Variants in RGS12 observed in about 807,000 individuals in gnomAD.
RGS12 encodes regulator of G protein signaling 12, also known as regulator of G-protein signaling 12.
A neutral mutation model predicts 120.1 loss-of-function variants in RGS12; 66 were observed. That is an observed-to-expected ratio of 0.55 (90% CI 0.45 to 0.67). The LOEUF (loss-of-function observed/expected upper bound fraction) is 0.67. Among genes scored for constraint, RGS12 ranks in the 30% least tolerant of loss-of-function variants. RGS12 has a pLI of 0.00. For missense variants in RGS12, 1,859 were observed against 1,957.7 expected, an observed-to-expected ratio of 0.95 and a Z score of 0.95; for synonymous variants, 827 against 804.7, an observed-to-expected ratio of 1.03 and a Z score of -0.47.
intron 4 of RGS12, among the ~76,000 whole-genome samples, chr4:3,393,870 A>G (rs548193372): frequency 1.3e-5 from 2 of 152,176 alleles, no homozygotes; most frequent in South Asian, 4.1e-4. Context: ...AGCTTCACTG[A>G]TTTCCCAAAA....
In RGS12 at chr4:3,420,688, C is replaced by T. The variant is rs1411186193; in HGVS notation, c.2808C>T (p.Gly936=). The T allele has an allele frequency of 8.7e-6, 14 of 1,612,944 alleles. No individual in the cohort carries two copies. The highest frequency in any genetic ancestry group is 1.2e-5 in the Non-Finnish European group (14 of 1,180,038). ...GCCTGTGTCGCCGAGAGTCGCAGGG[C>T]TCTGTGTCCTCTGCGGGGAGCCTGG... ...NGGLCRRESQ[G]SVSSAGSLDL... is the part of the protein sequence containing the mutation. The change falls in exon 10 of 18, where the codon GGC becomes GGT. Residue 936 remains glycine (G), a synonymous_variant. Transcript: ENST00000336727.
intron 15 of RGS12, 118 bp from the exon 16 acceptor site, chr4:3,428,440 C>A: frequency 2.2e-6 from 2 of 929,868 alleles, no homozygotes; most frequent in Non-Finnish European, 3.3e-6. Context: ...TTCTGCAATG[C>A]ATGTAAATTC....
chr4:3,327,931 C>A (rs1009226848), intron 2 of RGS12, among the ~76,000 whole-genome samples: 2 of 152,220 alleles, frequency 1.3e-5, no homozygotes, highest in Admixed American at 6.5e-5. Context: ...CAAAAAGATA[C>A]CTGCACTCTT....
rs1388618941 is a variant in RGS12 at position 3,307,128 on chromosome 4, A to G, written c.-101-8942A>G. On this transcript the variant is annotated intron_variant, in intron 1 of 17. Transcript: ENST00000336727. Reference sequence around the variant, plus strand: ...ACACCTCTTAACTGCCTCCCCCCACAAGCTTAGGAGCTTTATGGGATGTGT... The same window carrying G: ...ACACCTCTTAACTGCCTCCCCCCACGAGCTTAGGAGCTTTATGGGATGTGT... 2.0e-5 allele frequency among the ~76,000 whole-genome samples: 3 copies of G among 152,198 alleles called. No individual in the cohort carries two copies. In the East Asian group the frequency reaches 5.8e-4, roughly 29 times the overall value.
chr4:3,386,356 G>C (rs117678714), intron 3 of RGS12, 60 bp from the exon 4 acceptor site: 2 of 1,532,342 alleles, frequency 1.3e-6, no homozygotes, highest in East Asian at 2.2e-5. Context: ...TGGACTTTTC[G>C]TTTCCTGGAG....
chr4:3,344,293 G>A (rs1265727536), intron 3 of RGS12, among the ~76,000 whole-genome samples: 8 of 152,208 alleles, frequency 5.3e-5, no homozygotes, highest in Admixed American at 5.2e-4. Context: ...CTAGCGTGCT[G>A]TATCTGGGCG....
At chr4:3,381,493 A>G (rs1718252094) in intron 3 of RGS12, among the ~76,000 whole-genome samples, 1 of 152,226 alleles carries the variant, frequency 6.6e-6, no homozygotes, top group African/African-American at 2.4e-5. Context: ...ATTGACTCAC[A>G]GTTCCACATG....
chr4:3,420,288 C>T (rs574450626), intron 9 of RGS12: 5 of 312,190 alleles, frequency 1.6e-5, no homozygotes, highest in East Asian at 1.9e-4. Flanking sequence ...AGGCCCTTAC[C>T]GGGACATGCA....
chr4:3,333,157 C>T (rs1712061765), intron 2 of RGS12, among the ~76,000 whole-genome samples: 2 of 151,896 alleles, frequency 1.3e-5, no homozygotes, highest in Non-Finnish European at 2.9e-5. Context: ...TCACGCCATT[C>T]TCCTGCCTCA....
chr4:3,318,108 C>A, intron 2 of RGS12, 57 bp downstream of exon 2: 1 of 1,474,574 alleles, frequency 6.8e-7, no homozygotes, highest in Non-Finnish European at 9.2e-7. Context: ...TTAGCAGTCA[C>A]GGGGAGGTGA....
intron 4 of RGS12, 117 bp from the exon 5 acceptor site, chr4:3,413,955 G>C: frequency 9.8e-7 from 1 of 1,017,118 alleles, no homozygotes; most frequent in Admixed American, 2.7e-5. Context: ...TGACTGAATG[G>C]GTGTTGGAGG....
rs187371932 is a variant in RGS12, at chr4:3,433,986, G to A, written c.4114+3031G>A. 6.6e-6 allele frequency among the ~76,000 whole-genome samples: 1 copy of A among 152,350 alleles called. No homozygotes were observed. Among genetic ancestry groups the A allele is most frequent in the Non-Finnish European group, 1.5e-5 (1 of 68,028 alleles). ...AAGCGGGAGAAGTGTCAGGCCCCTC[G>A]TGAGGCTCCAGGGCACGCTGGCAGA... On this transcript the variant is annotated intron_variant, in intron 17 of 17. Transcript: ENST00000336727. The surrounding 1 kb of genome is among the most constrained non-coding windows in gnomAD (Gnocchi z 4.4).
At chr4:3,386,247 T>C (rs1718841225) in intron 3 of RGS12, 169 bp from the exon 4 acceptor site, 2 of 654,546 alleles carry the variant, frequency 3.1e-6, no homozygotes, top group Non-Finnish European at 5.5e-6. Context: ...GTGGGAGCCG[T>C]GACTCTTGAC....
intron 2 of RGS12, among the ~76,000 whole-genome samples, chr4:3,337,666 CAGAA>C (rs984101953): frequency 1.3e-5 from 2 of 151,842 alleles, no homozygotes; most frequent in African/African-American, 4.8e-5. Flanking sequence ...TTCATAAAGA[CAGAA>C]AGCGGGAGAG....
intron 3 of RGS12, among the ~76,000 whole-genome samples, chr4:3,347,459 GA>G (rs1472062634): frequency 6.6e-6 from 1 of 152,032 alleles, no homozygotes; most frequent in Non-Finnish European, 1.5e-5. Context: ...AAGAAAGAAA[GA>G]AAACATCCTT....
intron 13 of RGS12, among the ~76,000 whole-genome samples, chr4:3,424,202 C>T (rs1394300820): frequency 1.3e-5 from 2 of 152,360 alleles, no homozygotes; most frequent in East Asian, 3.9e-4. Context: ...GAGAGCTGGG[C>T]CCCGCTGAGG....
intron 14 of RGS12, among the ~76,000 whole-genome samples, chr4:3,426,999 C>T (rs1323884208): frequency 2.0e-5 from 3 of 152,180 alleles, no homozygotes; most frequent in Non-Finnish European, 4.4e-5. Context: ...TGTCCCCACC[C>T]AGGGAGACCT....
At chr4:3,342,569 T>G in intron 2 of RGS12, 2 of 1,303,766 alleles carry the variant, frequency 1.5e-6, no homozygotes, top group Non-Finnish European at 2.0e-6. Context: ...TAGTCATCTT[T>G]ACTCTCAGTG....
Position 3,317,279 on chromosome 4 carries a change from A to C in RGS12, c.1109A>C (p.Asn370Thr), listed in dbSNP as rs773161925. The change falls in exon 2 of 18, where the codon AAT becomes ACT. Residue 370 changes from asparagine (N) to threonine (T), a missense_variant. Coordinates refer to ENST00000336727, the MANE Select transcript of RGS12 (RefSeq NM_001394154.1). ...GFECTADPDT[N>T]GCLEFPASSL... ...GAGTGCACGGCCGACCCAGACACCA[A>C]TGGCTGTCTGGAATTCCCGGCGTCC... The C allele has an allele frequency of 1.2e-6, 2 of 1,614,074 alleles. No individual in the cohort carries two copies. The highest frequency in any genetic ancestry group is 1.7e-5 in the Admixed American group (1 of 60,022).
Sources: gnomAD v4.1 joint callset for allele counts (sites outside exome capture counted in the v4.1 genomes callset) on GRCh38, gnomAD v4.1.1 for gene constraint, Gnocchi (gnomAD v3.1) non-coding constraint, MANE v1.5 for transcripts, NCBI Gene and HGNC (gene_info 2026-07-23, HGNC 2026-07-21) for gene names.